PTPN11: variants seen among roughly 807,000 people sequenced by gnomAD.
The protein encoded by PTPN11 is tyrosine-protein phosphatase non-receptor type 11.
In PTPN11, 6 loss-of-function variants were observed where a neutral mutation model predicts 78.8. The ratio of observed to expected loss-of-function variants is 0.08; its 90% CI spans 0.04 to 0.15. PTPN11 has a LOEUF of 0.15. Ranked by LOEUF, PTPN11 falls within the 10% of genes least tolerant of loss-of-function variation. The probability of loss-of-function intolerance (pLI) is 1.00; values close to 1 mark genes in which losing one functional copy is unlikely to be tolerated. For missense variants in PTPN11, 386 were observed against 744.8 expected, an observed-to-expected ratio of 0.52 and a Z score of 5.61; for synonymous variants, 221 against 263.5, an observed-to-expected ratio of 0.84 and a Z score of 1.56.
At position 112,436,045 on chromosome 12, in the gene PTPN11, GA is replaced by G. The variant is rs111708365; in HGVS notation, c.15-10222del. Among the ~76,000 whole-genome samples, 425 of 150,972 alleles carry G rather than the reference GA, an allele frequency of 2.8e-3. 6 individuals carry two copies. Among genetic ancestry groups the G allele is most frequent in the African/African-American group, 0.01 (414 of 41,178 alleles). ...ATTTTATAAAAATATTTTGAAAAAA[GA>G]AAAAAAAATTCAGTTGTGTTCTGCT... is the stretch of plus-strand genomic sequence containing the variant. On this transcript the variant is annotated intron_variant, in intron 1 of 15. Coordinates refer to ENST00000351677, the MANE Select transcript of PTPN11 (RefSeq NM_002834.5).
rs552649678 is a variant in PTPN11 at position 112,446,650 on chromosome 12, G to T, written c.137+252G>T. On this transcript the variant is annotated intron_variant, in intron 2 of 15. Transcript: ENST00000351677. ...CATAGAAGTTCTTAAGCCCTCCAGT[G>T]CTTGAGACTTGTTCCACACATCTTG... Among the ~76,000 whole-genome samples, 356 of 152,098 alleles carry T rather than the reference G, an allele frequency of 2.3e-3. 1 individual carries two copies. Among genetic ancestry groups the T allele is most frequent in the African/African-American group, 7.0e-3 (291 of 41,498 alleles).
At chr12:112,486,999 G>C in intron 11 of PTPN11, 3 of 1,021,160 alleles carry the variant, frequency 2.9e-6, no homozygotes, top group Non-Finnish European at 3.8e-6. Context: ...GAGGTGGTGG[G>C]GGTGTGGTGG....
rs1294970236 is a variant in PTPN11, at chr12:112,442,857, T to TATATATATATAAATTATATATACAC, written c.15-3408_15-3407insAATTATATATACACATATATATATA. Among the ~76,000 whole-genome samples, 109 of 76,102 alleles carry TATATATATATAAATTATATATACAC rather than the reference T, an allele frequency of 1.4e-3. 4 individuals carry two copies. The highest frequency in any genetic ancestry group is 6.7e-3 in the African/African-American group (105 of 15,736). The allele number at this position is 76,102 out of a possible 152,430, so 49.9% of individuals were successfully genotyped here. A position where few individuals can be genotyped will look rare whatever the true frequency, so the allele number is the denominator to read the frequency against. On this transcript the variant is annotated intron_variant, in intron 1 of 15. Transcript: ENST00000351677. ...ATATATATATATATATATATATATA[T>TATATATATATAAATTATATATACAC]ATATATATATATATATATATAAATT...
intron 5 of PTPN11, 79 bp from the exon 6 acceptor site, chr12:112,455,870 TG>T (rs1319887197): frequency 4.0e-4 from 336 of 843,240 alleles, no homozygotes; most frequent in East Asian, 1.1e-3. Flanking sequence ...AACATAGACA[TG>T]TTTTTTTTTT....
In PTPN11 at chr12:112,418,992, G is replaced by A; in HGVS notation, c.-120G>A. 8.3e-6 allele frequency: 11 copies of A among 1,318,636 alleles called. No individual in the cohort carries two copies. Among genetic ancestry groups the A allele is most frequent in the Non-Finnish European group, 1.1e-5 (11 of 956,746 alleles). The allele number at this position is 1,318,636 out of a possible 1,614,324, so 81.7% of individuals were successfully genotyped here. ...CTGGAGGGGGGTCTGTGCGCGGCCGGCTGGCTCTGCCCCGCGTCCGGTCCC... is the reference window on the plus strand; with the variant it reads ...CTGGAGGGGGGTCTGTGCGCGGCCGACTGGCTCTGCCCCGCGTCCGGTCCC... On this transcript the variant is annotated 5_prime_UTR_variant, in exon 1 of 16. Coordinates refer to ENST00000351677, the MANE Select transcript of PTPN11 (RefSeq NM_002834.5).
chr12:112,421,855 C>T (rs1333433600), intron 1 of PTPN11, among the ~76,000 whole-genome samples: 3 of 152,052 alleles, frequency 2.0e-5, no homozygotes, highest in Admixed American at 1.3e-4. Flanking sequence ...CTCAAACTCC[C>T]GGGCTCAAGC....
intron 7 of PTPN11, among the ~76,000 whole-genome samples, chr12:112,477,093 T>C (rs1375380711): frequency 6.6e-6 from 1 of 151,788 alleles, no homozygotes; most frequent in Non-Finnish European, 1.5e-5. Flanking sequence ...CTTGGCTCAC[T>C]GCAATGTCCG....
chr12:112,492,760 G>A (rs1032714519), intron 13 of PTPN11, among the ~76,000 whole-genome samples: 5 of 151,914 alleles, frequency 3.3e-5, no homozygotes, highest in Non-Finnish European at 2.9e-5. Flanking sequence ...CTTGTGATCT[G>A]CCCGCCTTGG....
intron 1 of PTPN11, among the ~76,000 whole-genome samples, chr12:112,421,250 A>G (rs1040036245): frequency 4.6e-5 from 7 of 152,220 alleles, no homozygotes; most frequent in Non-Finnish European, 7.3e-5. Context: ...TTAATGAGGT[A>G]TAAATGACAT....
intron 15 of PTPN11, among the ~76,000 whole-genome samples, chr12:112,505,060 G>A (rs2038917010): frequency 6.6e-6 from 1 of 152,250 alleles, no homozygotes; most frequent in African/African-American, 2.4e-5. Context: ...TGGTGGTAGA[G>A]TGCAGGTATC....
At chr12:112,434,210 G>A (rs1021695866) in intron 1 of PTPN11, among the ~76,000 whole-genome samples, 6 of 152,074 alleles carry the variant, frequency 3.9e-5, no homozygotes, top group Admixed American at 6.6e-5. Context: ...AGCCTGGGAG[G>A]TTGAGGCTGC....
chr12:112,449,803 C>T (rs147316199), intron 2 of PTPN11, among the ~76,000 whole-genome samples: 88 of 152,094 alleles, frequency 5.8e-4, no homozygotes, highest in African/African-American at 2.0e-3. Context: ...TGGTGGCTCA[C>T]GCCTGTAATC....
intron 14 of PTPN11, among the ~76,000 whole-genome samples, chr12:112,503,654 T>C (rs2038903124): frequency 6.6e-6 from 1 of 152,168 alleles, no homozygotes; most frequent in Admixed American, 6.5e-5. Context: ...GGGTTCTGAG[T>C]CCTTGCCAGA....
intron 6 of PTPN11, 80 bp from the exon 7 acceptor site, chr12:112,472,864 A>G (rs1479895198): frequency 8.2e-6 from 9 of 1,098,244 alleles, no homozygotes; most frequent in Non-Finnish European, 1.3e-5. Context: ...AATTCCTTAA[A>G]GAAGTAATGC....
chr12:112,495,545 G>A (rs1016014077), intron 13 of PTPN11, among the ~76,000 whole-genome samples: 3 of 152,146 alleles, frequency 2.0e-5, no homozygotes, highest in Non-Finnish European at 4.4e-5. Context: ...GCCTGGTGAT[G>A]TTAAACTTGT....
intron 1 of PTPN11, among the ~76,000 whole-genome samples, chr12:112,442,877 T>TATATATAA (rs1415088606): frequency 4.4e-4 from 31 of 70,126 alleles, no homozygotes; most frequent in African/African-American, 1.2e-3. Context: ...TATATATATA[T>TATATATAA]AAATTATATA....
Position 112,454,688 on chromosome 12 carries a change from GA to G in PTPN11, c.642+9del. Reference sequence around the variant, plus strand: ...GTACTACAACTCAAGCAGGTGAGCAGATTGGAAAGCTCAAGCTTTCTCCTTA... The same window carrying G: ...GTACTACAACTCAAGCAGGTGAGCAGTTGGAAAGCTCAAGCTTTCTCCTTA... On this transcript the variant is annotated intron_variant, in intron 5 of 15. Coordinates refer to ENST00000351677, the MANE Select transcript of PTPN11 (RefSeq NM_002834.5). 6.3e-7 allele frequency: 1 copy of G among 1,590,088 alleles called. No individual in the cohort carries two copies. Among genetic ancestry groups the G allele is most frequent in the South Asian group, 1.1e-5 (1 of 90,530 alleles).
At chr12:112,497,327 CG>C (rs2038826328) in intron 13 of PTPN11, among the ~76,000 whole-genome samples, 2 of 152,124 alleles carry the variant, frequency 1.3e-5, no homozygotes, top group South Asian at 4.2e-4. Context: ...TTTTATTAGA[CG>C]CTTATTCTTT....
chr12:112,479,012 G>A (rs1286893893), intron 9 of PTPN11, among the ~76,000 whole-genome samples: 1 of 152,158 alleles, frequency 6.6e-6, no homozygotes, highest in African/African-American at 2.4e-5. Context: ...GGGATTATAG[G>A]TGTGAGCCAC....
Sources: allele counts gnomAD v4.1 joint callset (sites outside exome capture counted in the v4.1 genomes callset), GRCh38; gene constraint gnomAD v4.1.1; transcripts MANE v1.5; gene names NCBI Gene and HGNC (gene_info 2026-07-23, HGNC 2026-07-21).